The following RETREG1 variants were observed in gnomAD, a reference collection of about 807,000 sequenced individuals.
The protein encoded by RETREG1 is reticulophagy regulator 1, also known as family with sequence similarity 134 member B.
A neutral mutation model predicts 54.8 loss-of-function variants in RETREG1; 44 were observed. The ratio of observed to expected loss-of-function variants is 0.80; its 90% CI spans 0.63 to 1.03. The LOEUF (loss-of-function observed/expected upper bound fraction) is 1.03. Ranked by LOEUF, RETREG1 falls within the 50% of genes least tolerant of loss-of-function variation. RETREG1 has a pLI of 0.00. For synonymous variants in RETREG1, 217 were observed against 238.5 expected, an observed-to-expected ratio of 0.91 and a Z score of 0.83; for missense variants, 554 against 605.1, an observed-to-expected ratio of 0.92 and a Z score of 0.89.
intron 3 of RETREG1, among the ~76,000 whole-genome samples, chr5:16,543,970 GTT>G (rs750605921): frequency 5.0e-5 from 6 of 121,084 alleles, no homozygotes; most frequent in Admixed American, 2.5e-4. Context: ...TTATTGCCAA[GTT>G]TTTTTTTTTT....
intron 3 of RETREG1, among the ~76,000 whole-genome samples, chr5:16,485,951 G>GA (rs909351662): frequency 6.6e-6 from 1 of 151,876 alleles, no homozygotes; most frequent in African/African-American, 2.4e-5. Flanking sequence ...TGGAAAGAAA[G>GA]AAAAAAATAT....
At chr5:16,531,165 T>G (rs1740905644) in intron 3 of RETREG1, among the ~76,000 whole-genome samples, 1 of 152,212 alleles carries the variant, frequency 6.6e-6, no homozygotes, top group Non-Finnish European at 1.5e-5. Context: ...TTTTATATAA[T>G]CTTTATAATG....
In RETREG1 at chr5:16,616,898, G is replaced by A. The variant is rs1579736678; in HGVS notation, c.74C>T (p.Pro25Leu). 1 of 1,481,694 alleles carries A rather than the reference G, an allele frequency of 6.7e-7. No individual in the cohort carries two copies. The highest frequency in any genetic ancestry group is 1.3e-5 in the South Asian group (1 of 78,506). The allele number at this position is 1,481,694 out of a possible 1,614,324, so 91.8% of individuals were successfully genotyped here. A position where few individuals can be genotyped will look rare whatever the true frequency, so the allele number is the denominator to read the frequency against. ...PAPAAEEQAP[P>L]SPPPPQASPA... ...GGATGCCTGGGGCGGTGGCGGCGAC[G>A]GCGGCGCCTGCTCCTCGGCGGCAGG... Residue 25 changes from proline (P) to leucine (L), a missense_variant, in exon 1 of 9, where the codon CCG (proline) becomes CTG (leucine). Physicochemically the swap from Pro to Leu is moderately conservative, Grantham distance 98 (BLOSUM62 -3). Around this residue, in one of 4 missense-constraint regions of RETREG1, gnomAD observed 175 missense variants for 142.1 expected, o/e 1.23. Coordinates refer to ENST00000306320, the MANE Select transcript of RETREG1 (RefSeq NM_001034850.3).
Position 16,616,869 on chromosome 5 carries a change from C to G in RETREG1, c.103G>C (p.Ala35Pro). ...PSPPPPQASP[A>P]ERQQQEEEAQ... is the part of the protein sequence containing the mutation. ...TCCTCCTCCTGCTGCTGCCGCTCTG[C>G]GGGGGATGCCTGGGGCGGTGGCGGC... Residue 35 changes from alanine (A) to proline (P), a missense_variant, in exon 1 of 9, where the codon GCA becomes CCA. Physicochemically the swap from Ala to Pro is conservative, Grantham distance 27. Transcript: ENST00000306320. The G allele has an allele frequency of 6.7e-7, 1 of 1,501,212 alleles. No homozygotes were observed. Among genetic ancestry groups the G allele is most frequent in the Middle Eastern group, 2.2e-4 (1 of 4,578 alleles). The allele number at this position is 1,501,212 out of a possible 1,614,324, so 93.0% of individuals were successfully genotyped here. A position where few individuals can be genotyped will look rare whatever the true frequency, so the allele number is the denominator to read the frequency against.
intron 3 of RETREG1, among the ~76,000 whole-genome samples, chr5:16,535,957 G>A (rs538120931): frequency 6.6e-6 from 1 of 150,948 alleles, no homozygotes; most frequent in African/African-American, 2.4e-5. Flanking sequence ...GTGGGAGCTG[G>A]GGTTCCTGTG....
chr5:16,600,826 T>C (rs1743031581), intron 1 of RETREG1, among the ~76,000 whole-genome samples: 1 of 151,912 alleles, frequency 6.6e-6, no homozygotes, highest in Non-Finnish European at 1.5e-5. Context: ...TAAACTATCT[T>C]CTCCTTTTTA....
At chr5:16,584,741 G>A (rs755088865) in intron 1 of RETREG1, among the ~76,000 whole-genome samples, 1 of 152,082 alleles carries the variant, frequency 6.6e-6, no homozygotes, top group African/African-American at 2.4e-5. Context: ...AAATTAAATT[G>A]TGCACTATTA....
intron 3 of RETREG1, among the ~76,000 whole-genome samples, chr5:16,512,346 C>CG (rs1296481622): frequency 6.6e-6 from 1 of 152,106 alleles, no homozygotes; most frequent in Non-Finnish European, 1.5e-5. Context: ...TCCAGCAGAG[C>CG]CTACACATGC....
intron 1 of RETREG1, among the ~76,000 whole-genome samples, chr5:16,582,292 C>G (rs957066607): frequency 1.3e-5 from 2 of 152,200 alleles, no homozygotes; most frequent in African/African-American, 4.8e-5. Context: ...AAAAAAGAAA[C>G]CACATCACCC....
At chr5:16,528,486 A>C (rs892279662) in intron 3 of RETREG1, among the ~76,000 whole-genome samples, 3 of 152,140 alleles carry the variant, frequency 2.0e-5, no homozygotes, top group African/African-American at 7.2e-5. Flanking sequence ...CTGGGACAGG[A>C]GTCAGCTCTG....
chr5:16,575,485 G>A (rs1742296817), intron 1 of RETREG1, among the ~76,000 whole-genome samples: 1 of 152,146 alleles, frequency 6.6e-6, no homozygotes, highest in African/African-American at 2.4e-5. Context: ...ACCAACCAAA[G>A]CACAAAGGCC....
intron 3 of RETREG1, among the ~76,000 whole-genome samples, chr5:16,527,672 G>T (rs984595014): frequency 6.6e-6 from 1 of 152,044 alleles, no homozygotes; most frequent in South Asian, 2.1e-4. Flanking sequence ...AGTTGAAAAG[G>T]CTAAGTGTCA....
chr5:16,596,675 G>A (rs574362959), intron 1 of RETREG1, among the ~76,000 whole-genome samples: 2 of 152,056 alleles, frequency 1.3e-5, no homozygotes, highest in African/African-American at 4.8e-5. Context: ...GGCCTGACAC[G>A]CACCCTCCAG....
At chr5:16,588,497 C>T (rs936823913) in intron 1 of RETREG1, among the ~76,000 whole-genome samples, 12 of 152,300 alleles carry the variant, frequency 7.9e-5, no homozygotes, top group African/African-American at 2.9e-4. Context: ...CCCATAACAC[C>T]AAGTGTGTGG....
intron 1 of RETREG1, among the ~76,000 whole-genome samples, chr5:16,615,744 T>C (rs1332043463): frequency 6.6e-6 from 1 of 152,226 alleles, no homozygotes; most frequent in African/African-American, 2.4e-5. Flanking sequence ...AGGCTGTCTA[T>C]TTTGTGCAAT....
chr5:16,496,248 G>T (rs781294327), intron 3 of RETREG1, among the ~76,000 whole-genome samples: 17 of 152,176 alleles, frequency 1.1e-4, no homozygotes, highest in Non-Finnish European at 2.4e-4. Context: ...AAGCAACAGT[G>T]GTCTAAACAA....
At chr5:16,538,871 A>G (rs1166092573) in intron 3 of RETREG1, among the ~76,000 whole-genome samples, 1 of 152,074 alleles carries the variant, frequency 6.6e-6, no homozygotes, top group Non-Finnish European at 1.5e-5. Flanking sequence ...TGCCCGGCTA[A>G]TTTTTTGTAT....
intron 3 of RETREG1, among the ~76,000 whole-genome samples, chr5:16,510,400 G>A (rs1486939898): frequency 6.6e-6 from 1 of 152,050 alleles, no homozygotes; most frequent in Non-Finnish European, 1.5e-5. Flanking sequence ...TCAGAGGCAG[G>A]GCAATGTGCT....
chr5:16,582,303 A>C (rs1220365988), intron 1 of RETREG1, among the ~76,000 whole-genome samples: 1 of 152,230 alleles, frequency 6.6e-6, no homozygotes, highest in Non-Finnish European at 1.5e-5. Flanking sequence ...CACATCACCC[A>C]GGTGACTCAT....
Sources: allele counts gnomAD v4.1 joint callset (sites outside exome capture counted in the v4.1 genomes callset), GRCh38; gene constraint gnomAD v4.1.1; regional missense constraint gnomAD v4.1.1; transcripts MANE v1.5; gene names NCBI Gene and HGNC (gene_info 2026-07-23, HGNC 2026-07-21).